Variants in INSR observed in about 807,000 individuals in gnomAD.
The protein encoded by INSR is insulin receptor.
INSR carries 67 observed loss-of-function variants against 142.6 expected under a neutral mutation model. The ratio of observed to expected loss-of-function variants is 0.47; its 90% CI spans 0.39 to 0.58. The LOEUF is 0.58. INSR is among the 20% of genes least tolerant of loss of function. INSR has a pLI of 0.00. For missense variants in INSR, 1,248 were observed against 1,833.2 expected, an observed-to-expected ratio of 0.68 and a Z score of 5.83; for synonymous variants, 756 against 743.1, an observed-to-expected ratio of 1.02 and a Z score of -0.28.
At chr19:7,151,017 CTTTCTCTTTCCTTCCTTCTTT>C (rs1568447064) in intron 10 of INSR, among the ~76,000 whole-genome samples, 3 of 144,816 alleles carry the variant, frequency 2.1e-5, no homozygotes, top group African/African-American at 5.1e-5. Flanking sequence ...CATTTGCTTT[CTTTCTCTTTCCTTCCTTCTTT>C]TTTTCATTTT....
chr19:7,242,111 C>A (rs992319172), intron 2 of INSR, among the ~76,000 whole-genome samples: 5 of 150,736 alleles, frequency 3.3e-5, no homozygotes, highest in Non-Finnish European at 7.4e-5. Flanking sequence ...CAAGATCATG[C>A]CACTGCACTC....
At position 7,192,733 on chromosome 19, in the gene INSR, C is replaced by T. The variant is rs968233851; in HGVS notation, c.653-8096G>A. 5.3e-5 allele frequency among the ~76,000 whole-genome samples: 8 copies of T among 152,158 alleles called. No individual in the cohort carries two copies. The highest frequency in any genetic ancestry group is 1.7e-4 in the African/African-American group (7 of 41,424). Reference sequence around the variant, plus strand: ...CAAAAATGCAAGTTCTGTGTCCATCCGCTGTCTCCCCTTCAAAGCCACATT... The same window carrying T: ...CAAAAATGCAAGTTCTGTGTCCATCTGCTGTCTCCCCTTCAAAGCCACATT... On this transcript the variant is annotated intron_variant, in intron 2 of 21. Coordinates refer to ENST00000302850, the MANE Select transcript of INSR (RefSeq NM_000208.4). This position sits in a 1 kb window ranked among gnomAD's most constrained non-coding sequence, Gnocchi z 4.2.
At chr19:7,130,835 CTTTTCTTTCTTTTTCT>C (rs1568433438) in intron 14 of INSR, among the ~76,000 whole-genome samples, 1 of 150,178 alleles carries the variant, frequency 6.7e-6, no homozygotes. Flanking sequence ...TCTTTCTTTC[CTTTTCTTTCTTTTTCT>C]TTTTCTTCTC....
chr19:7,152,430 A>G lies in INSR; in HGVS notation c.2231+296T>C. On this transcript the variant is annotated intron_variant, in intron 10 of 21. Coordinates refer to ENST00000302850, the MANE Select transcript of INSR (RefSeq NM_000208.4). ...GAAAAAAAAAAATGTTAATCGTCTA[A>G]CGGAGTTTGTTTTGGAACTCACGTG... The G allele has an allele frequency of 4.4e-6, 2 of 450,056 alleles. 1 individual carries two copies. The highest frequency in any genetic ancestry group is 4.3e-5 in the South Asian group (2 of 46,992). The allele number at this position is 450,056 out of a possible 1,614,324, so 27.9% of individuals were successfully genotyped here.
intron 3 of INSR, among the ~76,000 whole-genome samples, chr19:7,179,212 A>G (rs10404406): frequency 0.14 from 21,355 of 152,204 alleles, 2,820 homozygotes; most frequent in African/African-American, 0.35. Flanking sequence ...ACACCTGGCC[A>G]GGTTTATTTT....
At chr19:7,145,951 T>C (rs12460478) in intron 11 of INSR, among the ~76,000 whole-genome samples, 18,442 of 152,228 alleles carry the variant, frequency 0.12, 1,823 homozygotes, top group East Asian at 0.5. Context: ...AATATTTATC[T>C]TGTAGAAGAA....
intron 3 of INSR, 27 bp from the exon 4 acceptor site, chr19:7,174,758 A>C: frequency 6.2e-7 from 1 of 1,604,034 alleles, no homozygotes; most frequent in Non-Finnish European, 8.5e-7. Context: ...GAGAGAGAGA[A>C]AGAGAAAGGG....
chr19:7,163,346 G>A (rs946377220), intron 8 of INSR, 147 bp from the exon 9 acceptor site: 16 of 765,030 alleles, frequency 2.1e-5, no homozygotes, highest in African/African-American at 6.8e-5. Flanking sequence ...GGATCACGAG[G>A]TCAGGAGATC....
In INSR at chr19:7,150,517, G is replaced by T; in HGVS notation, c.2247C>A (p.Gly749=). The change falls in exon 11 of 22, where the codon GGC becomes GGA. Residue 749 remains glycine, a synonymous_variant. Coordinates refer to ENST00000302850, the MANE Select transcript of INSR (RefSeq NM_000208.4). This position sits in a 1 kb window ranked among gnomAD's most constrained non-coding sequence, Gnocchi z 4.2. ...VVFVPRKTSS[G]TGAEDPRPSR... is the part of the protein sequence containing the mutation. ...CATACCTAGGGTCCTCGGCACCAGT[G>T]CCTGAAGAGGTTTTTCTGTGGAAAC... 1 of 1,614,190 alleles carries T rather than the reference G, an allele frequency of 6.2e-7. No homozygotes were observed. Among genetic ancestry groups the T allele is most frequent in the Non-Finnish European group, 8.5e-7 (1 of 1,180,026 alleles).
chr19:7,238,617 CAAAAAAAA>C (rs796144540), intron 2 of INSR, among the ~76,000 whole-genome samples: 3 of 68,988 alleles, frequency 4.3e-5, no homozygotes, highest in Non-Finnish European at 7.6e-5. Context: ...TGCTCCATCT[CAAAAAAAA>C]AAAAAAAAAA....
In INSR at chr19:7,152,804, T is replaced by C. The variant is rs760356473; in HGVS notation, c.2153A>G (p.Gln718Arg). The C allele has an allele frequency of 6.2e-7, 1 of 1,613,454 alleles. No individual in the cohort carries two copies. Among genetic ancestry groups the C allele is most frequent in the Non-Finnish European group, 8.5e-7 (1 of 1,179,952 alleles). ...GGACTCCTCCAGCTCCTTCAGGATC[T>C]GAGAGTCTGTCTTTGGACAGGAGCA... ...ECCSCPKTDS[Q>R]ILKELEESSF... Residue 718 changes from glutamine to arginine, a missense_variant, in exon 10 of 22, where the codon CAG (glutamine) becomes CGG (arginine). Gln to Arg is a conservative substitution (Grantham distance 43). Coordinates refer to ENST00000302850, the MANE Select transcript of INSR (RefSeq NM_000208.4).
chr19:7,292,379 C>G (rs948648553), intron 1 of INSR, among the ~76,000 whole-genome samples: 1 of 151,310 alleles, frequency 6.6e-6, no homozygotes, highest in South Asian at 2.1e-4. Context: ...CTTGAGCCAC[C>G]GCAGCTGGCC....
chr19:7,137,624 T>C (rs1028990787), intron 13 of INSR, among the ~76,000 whole-genome samples: 7 of 151,566 alleles, frequency 4.6e-5, no homozygotes, highest in Non-Finnish European at 8.8e-5. Flanking sequence ...CTCGTCTCCA[T>C]TAAAAATACA....
chr19:7,207,143 C>T (rs991918094), intron 2 of INSR, among the ~76,000 whole-genome samples: 9 of 152,084 alleles, frequency 5.9e-5, no homozygotes, highest in South Asian at 2.1e-4. Context: ...TGGCCAGGCA[C>T]GGTGGTTCAC....
chr19:7,202,973 T>C (rs1975004406), intron 2 of INSR, among the ~76,000 whole-genome samples: 1 of 138,588 alleles, frequency 7.2e-6, no homozygotes, highest in African/African-American at 2.7e-5. Flanking sequence ...TTGGAATGTA[T>C]TGGTTTGGGG....
chr19:7,176,374 G>A (rs1211623223), intron 3 of INSR, among the ~76,000 whole-genome samples: 1 of 152,244 alleles, frequency 6.6e-6, no homozygotes, highest in Non-Finnish European at 1.5e-5. Context: ...GCCAAGGCGA[G>A]CGGATCACTT....
In INSR at chr19:7,136,828, C is replaced by CATATATATATATATATAT. The variant is rs57665258; in HGVS notation, c.2683-4529_2683-4512dup. On this transcript the variant is annotated intron_variant, in intron 13 of 21. Coordinates refer to ENST00000302850, the MANE Select transcript of INSR (RefSeq NM_000208.4). ...ATGTAAAACTTTATTTATTTATTTA[C>CATATATATATATATATAT]ATATATATATATATATATATTGAGA... 3.0e-4 allele frequency among the ~76,000 whole-genome samples: 42 copies of CATATATATATATATATAT among 139,828 alleles called. 1 individual carries two copies. Among genetic ancestry groups the CATATATATATATATATAT allele is most frequent in the African/African-American group, 9.5e-4 (33 of 34,610 alleles). 91.7% of individuals were successfully genotyped at this position (139,828 alleles called of 152,430 possible). A position where few individuals can be genotyped will look rare whatever the true frequency, so the allele number is the denominator to read the frequency against.
intron 2 of INSR, among the ~76,000 whole-genome samples, chr19:7,204,051 C>T (rs1406921939): frequency 6.6e-6 from 1 of 151,178 alleles, no homozygotes; most frequent in Non-Finnish European, 1.5e-5. Context: ...CAATCTCTGC[C>T]TCCCGGGTTC....
chr19:7,173,746 C>T (rs948591913), intron 4 of INSR, among the ~76,000 whole-genome samples: 2 of 150,598 alleles, frequency 1.3e-5, no homozygotes, highest in South Asian at 2.1e-4. Flanking sequence ...CAGCCTCCTG[C>T]GTAGCTGGGA....
Sources: gnomAD v4.1 joint callset for allele counts (sites outside exome capture counted in the v4.1 genomes callset) on GRCh38, gnomAD v4.1.1 for gene constraint, Gnocchi (gnomAD v3.1) non-coding constraint, MANE v1.5 for transcripts, NCBI Gene and HGNC (gene_info 2026-07-23, HGNC 2026-07-21) for gene names.